Variants in TJP3 observed in about 807,000 individuals in gnomAD.
TJP3 encodes tight junction protein 3, also known as tight junction protein ZO-3.
Under a neutral mutation model 104.2 loss-of-function variants are expected in TJP3, and 85 were observed. The ratio of observed to expected loss-of-function variants is 0.82; its 90% CI spans 0.68 to 0.98. TJP3 has a LOEUF of 0.98. Ranked by LOEUF, TJP3 falls within the 50% of genes least tolerant of loss-of-function variation. The pLI is 0.00. For synonymous variants in TJP3, 550 were observed against 550.6 expected (o/e 1.00, Z 0.02); for missense variants, 1,367 against 1,322.8 (o/e 1.03, Z -0.52).
At chr19:3,728,980 G>A (rs1227051119) in intron 3 of TJP3, among the ~76,000 whole-genome samples, 3 of 152,160 alleles carry the variant, frequency 2.0e-5, no homozygotes, top group Non-Finnish European at 4.4e-5. Context: ...TTGAACCCGG[G>A]AGGCAGAGGT....
At position 3,746,880 on chromosome 19, in the gene TJP3, C is replaced by A; in HGVS notation, c.2322+4C>A. 1 of 1,559,110 alleles carries A rather than the reference C, an allele frequency of 6.4e-7. No individual in the cohort carries two copies. The highest frequency in any genetic ancestry group is 8.7e-7 in the Non-Finnish European group (1 of 1,148,362). ...CATCTGGACGGCGGAAGATCAGGTACTGCCGCGGTGTGGGTGGGTCGGGCA... is the reference window on the plus strand; with the variant it reads ...CATCTGGACGGCGGAAGATCAGGTAATGCCGCGGTGTGGGTGGGTCGGGCA... On this transcript the variant is annotated splice_donor_region_variant and intron_variant, in intron 18 of 20. Coordinates refer to ENST00000541714, the MANE Select transcript of TJP3 (RefSeq NM_001267560.2). This position sits in a 1 kb window ranked among gnomAD's most constrained non-coding sequence, Gnocchi z 4.1.
chr19:3,723,906 G>A (rs2036569903), intron 1 of TJP3, among the ~76,000 whole-genome samples: 1 of 151,804 alleles, frequency 6.6e-6, no homozygotes, highest in Non-Finnish European at 1.5e-5. Flanking sequence ...ACTTCCTGAG[G>A]AGGTGGCATT....
chr19:3,731,882 C>T (rs1241240839), intron 5 of TJP3, 53 bp from the exon 6 acceptor site: 2 of 1,517,292 alleles, frequency 1.3e-6, no homozygotes, highest in East Asian at 2.3e-5. Flanking sequence ...GAGAATGCTC[C>T]CAGGCACCCG....
rs372462135 is a variant in TJP3 at position 3,750,774 on chromosome 19, C to G, written c.*90C>G. 4.3e-6 allele frequency: 5 copies of G among 1,169,992 alleles called. No individual in the cohort carries two copies. The African/African-American group carries it at 6.1e-5, about 14-fold the overall frequency. The allele number at this position is 1,169,992 out of a possible 1,614,324, so 72.5% of individuals were successfully genotyped here. A position where few individuals can be genotyped will look rare whatever the true frequency, so the allele number is the denominator to read the frequency against. On this transcript the variant is annotated 3_prime_UTR_variant, in exon 21 of 21. Coordinates refer to ENST00000541714, the MANE Select transcript of TJP3 (RefSeq NM_001267560.2). ...CATACAGAACCCACAACCTTACCTC[C>G]CTCCGCCTGGTCTTTAATAAACAGA...
Position 3,750,561 on chromosome 19 carries a change from A to G in TJP3, c.2658-21A>G, listed in dbSNP as rs759274026. 4.5e-6 allele frequency: 7 copies of G among 1,573,018 alleles called. No homozygotes were observed. The East Asian group carries it at 1.6e-4, about 36-fold the overall frequency. On this transcript the variant is annotated intron_variant, in intron 20 of 20. Transcript: ENST00000541714. The stretch of plus-strand genomic sequence containing the variant: ...CACACCCTTCCCACCCACAGCATCT[A>G]TTCTATTTCCTGATCCCCAGAACCT...
At chr19:3,718,402 C>T (rs1030946099) in intron 1 of TJP3, among the ~76,000 whole-genome samples, 1 of 147,742 alleles carries the variant, frequency 6.8e-6, no homozygotes, top group Admixed American at 6.9e-5. Context: ...ATTTTAAAGA[C>T]GCTGAAGTCA....
At chr19:3,748,295 G>A (rs574660152) in intron 19 of TJP3, among the ~76,000 whole-genome samples, 2 of 136,614 alleles carry the variant, frequency 1.5e-5, no homozygotes, top group African/African-American at 2.8e-5. Context: ...TTTTTGAGAC[G>A]CAGTCTTGCT....
intron 20 of TJP3, 112 bp from the exon 21 acceptor site, chr19:3,750,470 T>A (rs1345796155): frequency 1.1e-6 from 1 of 919,496 alleles, no homozygotes; most frequent in Non-Finnish European, 1.7e-6. Flanking sequence ...AATGCCCAGA[T>A]GTGCTTATCT....
chr19:3,735,518 G>A (rs1416516688), intron 8 of TJP3, 48 bp from the exon 9 acceptor site: 1 of 1,590,764 alleles, frequency 6.3e-7, no homozygotes, highest in South Asian at 1.1e-5. Context: ...TTTTAAAATG[G>A]CCCCTTGAAA....
rs624300 is a variant in TJP3, at chr19:3,746,209, T to C, written c.2010+128T>C. The C allele has an allele frequency of 0.47, 476,536 of 1,015,402 alleles. 112,776 individuals are homozygous for C. The highest frequency in any genetic ancestry group is 0.55 in the Admixed American group (24,106 of 43,786). 62.9% of individuals were successfully genotyped at this position (1,015,402 alleles called of 1,614,324 possible). A position where few individuals can be genotyped will look rare whatever the true frequency, so the allele number is the denominator to read the frequency against. On this transcript the variant is annotated intron_variant, in intron 16 of 20. Transcript: ENST00000541714. The surrounding 1 kb of genome is among the most constrained non-coding windows in gnomAD (Gnocchi z 4.1). ...GTGCAGTCTTCCATAGAGCCCCTTTTGGAGGCTTTGTGAGGCAGGAGGCCC... is the reference window on the plus strand; with the variant it reads ...GTGCAGTCTTCCATAGAGCCCCTTTCGGAGGCTTTGTGAGGCAGGAGGCCC...
chr19:3,749,127 CAG>C (rs1052774555), intron 19 of TJP3, among the ~76,000 whole-genome samples: 7 of 151,624 alleles, frequency 4.6e-5, no homozygotes, highest in African/African-American at 1.7e-4. Flanking sequence ...GTCGGCCTCT[CAG>C]AGTGTTGGGA....
intron 6 of TJP3, among the ~76,000 whole-genome samples, chr19:3,732,774 G>T (rs545364503): frequency 2.7e-4 from 41 of 152,194 alleles, no homozygotes; most frequent in African/African-American, 6.5e-4. Flanking sequence ...CTCCCAACGT[G>T]CTGGGATTAC....
intron 10 of TJP3, 108 bp downstream of exon 10, chr19:3,736,043 A>G: frequency 1.3e-6 from 2 of 1,544,574 alleles, no homozygotes; most frequent in East Asian, 2.3e-5. Flanking sequence ...GAGTGGGACC[A>G]TTAAGTGGGG....
At chr19:3,749,864 T>C (rs574450799) in intron 19 of TJP3, among the ~76,000 whole-genome samples, 15 of 152,292 alleles carry the variant, frequency 9.8e-5, no homozygotes, top group African/African-American at 3.6e-4. Flanking sequence ...TTTACGTACA[T>C]GAACTCATGG....
chr19:3,720,348 C>T (rs567806967), intron 1 of TJP3, among the ~76,000 whole-genome samples: 8 of 152,286 alleles, frequency 5.3e-5, no homozygotes, highest in African/African-American at 1.4e-4. Flanking sequence ...ATGTCATCTT[C>T]GGGGACCCTC....
chr19:3,740,158 G>A (rs2036793910), intron 13 of TJP3, among the ~76,000 whole-genome samples: 1 of 152,116 alleles, frequency 6.6e-6, no homozygotes, highest in Admixed American at 6.5e-5. Context: ...CTTGAACCTG[G>A]GAGGCGGAGG....
intron 1 of TJP3, among the ~76,000 whole-genome samples, chr19:3,713,396 T>C (rs984174035): frequency 5.9e-5 from 9 of 152,320 alleles, no homozygotes; most frequent in African/African-American, 2.2e-4. Context: ...AGAGTTATTC[T>C]GCAAAAGACC....
intron 13 of TJP3, among the ~76,000 whole-genome samples, chr19:3,739,422 A>G (rs968588417): frequency 2.0e-5 from 3 of 152,106 alleles, no homozygotes; most frequent in African/African-American, 7.2e-5. Flanking sequence ...CCTGGGAGGC[A>G]GAGGTTACAG....
intron 19 of TJP3, among the ~76,000 whole-genome samples, chr19:3,749,114 C>T (rs1044086830): frequency 6.6e-6 from 1 of 151,302 alleles, no homozygotes; most frequent in Non-Finnish European, 1.5e-5. Context: ...TCAGGTGATC[C>T]ACGTCGGCCT....
Sources: gnomAD v4.1 joint callset for allele counts (sites outside exome capture counted in the v4.1 genomes callset) on GRCh38, gnomAD v4.1.1 for gene constraint, Gnocchi (gnomAD v3.1) non-coding constraint, MANE v1.5 for transcripts, NCBI Gene and HGNC (gene_info 2026-07-23, HGNC 2026-07-21) for gene names.